SPOCD1: variants seen among roughly 807,000 people sequenced by gnomAD.
The protein encoded by SPOCD1 is SPOC domain containing 1, also known as SPOC domain-containing protein 1.
A neutral mutation model predicts 92.2 loss-of-function variants in SPOCD1; 64 were observed. The observed-to-expected ratio is 0.69, with a 90% CI of 0.57 to 0.86. SPOCD1 has a LOEUF of 0.86. Among genes scored for constraint, SPOCD1 ranks in the 40% least tolerant of loss-of-function variants. The probability of loss-of-function intolerance (pLI) is 0.00; values close to 1 mark genes in which losing one functional copy is unlikely to be tolerated. For missense variants in SPOCD1, 1,360 were observed against 1,543.1 expected (o/e 0.88, Z 1.99); for synonymous variants, 578 against 619.3 (o/e 0.93, Z 0.99).
rs1010856646 is a variant in SPOCD1, at chr1:31,796,373, G to A, written c.2271+217C>T. The A allele has an allele frequency of 2.7e-5, 19 of 692,552 alleles. No individual in the cohort carries two copies. In the African/African-American group the frequency reaches 2.8e-4, roughly 10 times the overall value. 42.9% of individuals were successfully genotyped at this position (692,552 alleles called of 1,614,324 possible). On this transcript the variant is annotated intron_variant, in intron 10 of 15. Transcript: ENST00000360482. ...CCTTGGGGTGAGGCCAAAAGGAGGA[G>A]GACCGACAGTGACAAGGCGCTGGCA...
chr1:31,809,911 G>A lies in SPOCD1; in HGVS notation c.1383+4040C>T, dbSNP rs113398605. 3.6e-3 allele frequency among the ~76,000 whole-genome samples: 547 copies of A among 152,170 alleles called. 4 individuals carry two copies. Among genetic ancestry groups the A allele is most frequent in the East Asian group, 0.015 (78 of 5,176 alleles). The stretch of plus-strand genomic sequence containing the variant: ...AGCTGGCCTCTCCCACCTGGCTCCC[G>A]TTCCACCTGTAACCCCCACCCTCTA... On this transcript the variant is annotated intron_variant, in intron 2 of 15. Coordinates refer to ENST00000360482, the MANE Select transcript of SPOCD1 (RefSeq NM_144569.7).
chr1:31,801,857 G>A (rs1376954205), intron 2 of SPOCD1, 152 bp from the exon 3 acceptor site: 6 of 714,916 alleles, frequency 8.4e-6, no homozygotes, highest in Non-Finnish European at 1.5e-5. Flanking sequence ...CATCAAAGGG[G>A]AAATGGTTAA....
chr1:31,796,698 C>T lies in SPOCD1; in HGVS notation c.2163G>A (p.Glu721=). The T allele has an allele frequency of 6.2e-7, 1 of 1,614,246 alleles. No homozygotes were observed. The highest frequency in any genetic ancestry group is 2.2e-5 in the East Asian group (1 of 44,890). Residue 721 remains glutamate (E), a synonymous_variant, in exon 10 of 16, where the codon GAG becomes GAA. Coordinates refer to ENST00000360482, the MANE Select transcript of SPOCD1 (RefSeq NM_144569.7). ...QEEKRGLNII[E]QQQKEPCRLP... ...GTCTGCACGGCTCCTTCTGTTGCTG[C>T]TCAATGATATTCAGGCCCTGAAGAG...
rs754842884 is a variant in SPOCD1, at chr1:31,814,188, G to C, written c.1146C>G (p.Ala382=). Residue 382 remains alanine, a synonymous_variant, in exon 2 of 16, where the codon GCC becomes GCG. Transcript: ENST00000360482. This position sits in a 1 kb window ranked among gnomAD's most constrained non-coding sequence, Gnocchi z 4.2. Reference sequence around the variant, plus strand: ...GGGAGCTGGCACAGGTGTCAGCGGGGGCAGCGAGTCCTTGCTCCAGCCTTC... The same window carrying C: ...GGGAGCTGGCACAGGTGTCAGCGGGCGCAGCGAGTCCTTGCTCCAGCCTTC... ...SRGRLEQGLA[A]PADTCASSRE... 3 of 1,571,792 alleles carry C rather than the reference G, an allele frequency of 1.9e-6. No homozygotes were observed. The highest frequency in any genetic ancestry group is 2.6e-6 in the Non-Finnish European group (3 of 1,156,862).
At chr1:31,811,570 G>T (rs1195708449) in intron 2 of SPOCD1, among the ~76,000 whole-genome samples, 2 of 152,148 alleles carry the variant, frequency 1.3e-5, no homozygotes, top group African/African-American at 4.8e-5. Context: ...AAGTCACCCT[G>T]TACTAAGAGG....
chr1:31,800,142 C>G lies in SPOCD1; in HGVS notation c.1603-1G>C, dbSNP rs1648341804. 6.3e-7 allele frequency: 1 copy of G among 1,599,156 alleles called. No homozygotes were observed. Among genetic ancestry groups the G allele is most frequent in the South Asian group, 1.1e-5 (1 of 89,616 alleles). ...CTCCTGAAGGAGAAGGCTGGAAAAC[C>G]TTGGGGCAGGGAGCAGACAAGCTAT... On this transcript the variant is annotated splice_acceptor_variant, in intron 4 of 15. Coordinates refer to ENST00000360482, the MANE Select transcript of SPOCD1 (RefSeq NM_144569.7). LOFTEE classifies it high-confidence loss of function.
intron 9 of SPOCD1, among the ~76,000 whole-genome samples, chr1:31,797,008 T>C (rs1203666708): frequency 6.6e-6 from 1 of 152,070 alleles, no homozygotes; most frequent in East Asian, 1.9e-4. Context: ...CTGGGAAGGG[T>C]GTGGTGTTGC....
chr1:31,800,650 G>A (rs965671278), intron 3 of SPOCD1, 33 bp from the exon 4 acceptor site: 9 of 1,552,898 alleles, frequency 5.8e-6, no homozygotes, highest in African/African-American at 2.7e-5. Context: ...GAAGCAAGCG[G>A]GGCCAGCCGC....
In SPOCD1 at chr1:31,800,054, C is replaced by G; in HGVS notation, c.1690G>C (p.Ala564Pro). 1 of 1,610,604 alleles carries G rather than the reference C, an allele frequency of 6.2e-7. No individual in the cohort carries two copies. Residue 564 changes from alanine (A) to proline (P), a missense_variant, in exon 5 of 16, where the codon GCC (alanine) becomes CCC (proline). Coordinates refer to ENST00000360482, the MANE Select transcript of SPOCD1 (RefSeq NM_144569.7). ...PFYPPRSGSL[A>P]LGDPSSDPAC... is the part of the protein sequence containing the mutation. ...GGGTCCGAGCTGGGGTCGCCAAGGG[C>G]CAGGGAACCGCTTCTTGGAGGGTAG...
At chr1:31,812,465 G>A (rs574385974) in intron 2 of SPOCD1, among the ~76,000 whole-genome samples, 12 of 152,248 alleles carry the variant, frequency 7.9e-5, no homozygotes, top group Admixed American at 7.2e-4. Flanking sequence ...CAAATACTAC[G>A]GAACTTACAA....
intron 2 of SPOCD1, among the ~76,000 whole-genome samples, chr1:31,802,100 G>A (rs1002029820): frequency 8.5e-5 from 13 of 152,204 alleles, no homozygotes; most frequent in African/African-American, 2.6e-4. Context: ...CCCAGGAGGC[G>A]GAGGTTGCAG....
intron 10 of SPOCD1, chr1:31,795,051 A>AT (rs1330547894): frequency 6.6e-6 from 1 of 152,220 alleles, no homozygotes; most frequent in Non-Finnish European, 1.5e-5. Flanking sequence ...CACTGAGGAC[A>AT]TTTTTTGTGC....
In SPOCD1 at chr1:31,815,168, T is replaced by TG. The variant is rs776347860; in HGVS notation, c.165dup (p.Arg56GlnfsTer22). The stretch of plus-strand genomic sequence containing the variant: ...GCCTCCTTCCTGGGGATCTTCCTTC[T>TG]GCTGCCAGCCCTGACTCCGGGCCCA... On this transcript the variant is annotated frameshift_variant, in exon 2 of 16. Coordinates refer to ENST00000360482, the MANE Select transcript of SPOCD1 (RefSeq NM_144569.7). LOFTEE classifies it high-confidence loss of function. 6.2e-7 allele frequency: 1 copy of TG among 1,607,442 alleles called. No individual in the cohort carries two copies. The highest frequency in any genetic ancestry group is 8.5e-7 in the Non-Finnish European group (1 of 1,174,912).
Position 31,799,851 on chromosome 1 carries a change from C to T in SPOCD1, c.1741G>A (p.Glu581Lys). 1 of 1,614,144 alleles carries T rather than the reference C, an allele frequency of 6.2e-7. No homozygotes were observed. Among genetic ancestry groups the T allele is most frequent in the East Asian group, 2.2e-5 (1 of 44,872 alleles). Residue 581 changes from glutamate to lysine, a missense_variant, in exon 6 of 16, where the codon GAG becomes AAG. Coordinates refer to ENST00000360482, the MANE Select transcript of SPOCD1 (RefSeq NM_144569.7). ...TCCGGAAGAGAATCCTCTTCAGCCTCCATTGGGCCACTCTGTAGGGGAGGC... is the reference window on the plus strand; with the variant it reads ...TCCGGAAGAGAATCCTCTTCAGCCTTCATTGGGCCACTCTGTAGGGGAGGC... ...DPACSQSGPM[E>K]AEEDSLPEQP... is the part of the protein sequence containing the mutation.
At chr1:31,799,153 G>A (rs550649103) in intron 7 of SPOCD1, among the ~76,000 whole-genome samples, 5 of 152,338 alleles carry the variant, frequency 3.3e-5, no homozygotes, top group African/African-American at 1.2e-4. Flanking sequence ...TGACATTGAT[G>A]TGGATGGACC....
chr1:31,791,744 A>G (rs111640798), intron 15 of SPOCD1, among the ~76,000 whole-genome samples: 1 of 152,294 alleles, frequency 6.6e-6, no homozygotes, highest in Non-Finnish European at 1.5e-5. Flanking sequence ...GCCTGGGTCA[A>G]ATGTGGCTGT....
chr1:31,796,764 C>T (rs938189011), intron 9 of SPOCD1, 49 bp from the exon 10 acceptor site: 8 of 1,611,322 alleles, frequency 5.0e-6, no homozygotes, highest in Non-Finnish European at 5.9e-6. Flanking sequence ...GGGCCTCTGG[C>T]CATCAAAAGC....
In SPOCD1 at chr1:31,798,902, G is replaced by A. The variant is rs536180880; in HGVS notation, c.1869-301C>T. 7.1e-5 allele frequency: 40 copies of A among 566,970 alleles called. No homozygotes were observed. The highest frequency in any genetic ancestry group is 4.7e-4 in the East Asian group (16 of 33,968). The allele number at this position is 566,970 out of a possible 1,614,324, so 35.1% of individuals were successfully genotyped here. ...TGTCTGACTCACCAGCCTGTGCCCC[G>A]TCTCTGGCTCACGGGATGTGTGGAG... On this transcript the variant is annotated intron_variant, in intron 7 of 15. Transcript: ENST00000360482. The surrounding 1 kb of genome is among the most constrained non-coding windows in gnomAD (Gnocchi z 4.1).
intron 3 of SPOCD1, among the ~76,000 whole-genome samples, chr1:31,801,184 T>G (rs1238995214): frequency 1.3e-5 from 2 of 152,206 alleles, no homozygotes; most frequent in Non-Finnish European, 2.9e-5. Context: ...GTAGATTTTG[T>G]TCTTCTAATG....
Sources: gnomAD v4.1 joint callset for allele counts (sites outside exome capture counted in the v4.1 genomes callset) on GRCh38, gnomAD v4.1.1 for gene constraint, Gnocchi (gnomAD v3.1) non-coding constraint, MANE v1.5 for transcripts, NCBI Gene and HGNC (gene_info 2026-07-23, HGNC 2026-07-21) for gene names.